The following EXOC6B variants were observed in gnomAD, a reference collection of about 807,000 sequenced individuals.
EXOC6B encodes the protein exocyst complex component 6B.
In EXOC6B, 54 loss-of-function variants were observed where a neutral mutation model predicts 113.5. The observed-to-expected ratio is 0.48, with a 90% confidence interval of 0.38 to 0.60. The LOEUF (loss-of-function observed/expected upper bound fraction) is 0.60. Among genes scored for constraint, EXOC6B ranks in the 20% least tolerant of loss-of-function variants. The pLI is 0.00. For synonymous variants in EXOC6B, 357 were observed against 339.0 expected, an observed-to-expected ratio of 1.05 and a Z score of -0.58; for missense variants, 797 against 977.5, an observed-to-expected ratio of 0.82 and a Z score of 2.46.
intron 19 of EXOC6B, among the ~76,000 whole-genome samples, chr2:72,378,518 G>C (rs1055268106): frequency 2.0e-5 from 3 of 152,156 alleles, no homozygotes; most frequent in African/African-American, 7.2e-5. Flanking sequence ...TGCATGAATA[G>C]GGTTGCTTCA....
chr2:72,666,889 G>C (rs1006045385), intron 6 of EXOC6B, among the ~76,000 whole-genome samples: 1 of 151,206 alleles, frequency 6.6e-6, no homozygotes, highest in Non-Finnish European at 1.5e-5. Flanking sequence ...TCTCAGTGGA[G>C]TCTCACTCTG....
chr2:72,256,796 A>G (rs1224416875), intron 20 of EXOC6B, among the ~76,000 whole-genome samples: 1 of 152,216 alleles, frequency 6.6e-6, no homozygotes, highest in Non-Finnish European at 1.5e-5. Context: ...TCACAGAGCT[A>G]GATGATTACT....
chr2:72,775,939 T>C (rs1573777608), intron 1 of EXOC6B, among the ~76,000 whole-genome samples: 1 of 152,210 alleles, frequency 6.6e-6, no homozygotes, highest in Non-Finnish European at 1.5e-5. Flanking sequence ...TGTAGGTGAA[T>C]TATATCAATG....
In EXOC6B at chr2:72,496,506, A is replaced by G. The variant is rs371861513; in HGVS notation, c.1391T>C (p.Met464Thr). The G allele has an allele frequency of 3.2e-5, 51 of 1,602,136 alleles. No homozygotes were observed. Among genetic ancestry groups the G allele is most frequent in the African/African-American group, 4.0e-5 (3 of 74,776 alleles). ...GAATTGTCCTACCACCTTTTTGTAC[A>G]TCTCTTCACTTGTTACTGGTATAGG... ...YSPIPVTSEE[M>T]YKKVVGQFPF... The change falls in exon 14 of 22, where the codon ATG becomes ACG. Residue 464 changes from methionine (M) to threonine (T), a missense_variant. Physicochemically the swap from Met to Thr is moderately conservative, Grantham distance 81. Transcript: ENST00000272427.
intron 1 of EXOC6B, among the ~76,000 whole-genome samples, chr2:72,764,345 C>T (rs1682929770): frequency 6.7e-6 from 1 of 149,056 alleles, no homozygotes; most frequent in African/African-American, 2.5e-5. Flanking sequence ...TGAAGCATTA[C>T]CTCTCCCTTA....
intron 20 of EXOC6B, among the ~76,000 whole-genome samples, chr2:72,331,213 C>T (rs958571004): frequency 6.6e-6 from 1 of 152,024 alleles, no homozygotes; most frequent in African/African-American, 2.4e-5. Context: ...TTCCTTTGCT[C>T]CCAGAGGGCA....
chr2:72,799,253 A>AAC (rs1685153210), intron 1 of EXOC6B, among the ~76,000 whole-genome samples: 1 of 150,326 alleles, frequency 6.7e-6, no homozygotes, highest in African/African-American at 2.4e-5. Flanking sequence ...AAAAAAAAAA[A>AAC]AAAAAAAACA....
chr2:72,736,930 CT>C (rs149743447), intron 2 of EXOC6B, among the ~76,000 whole-genome samples: 5,686 of 152,170 alleles, frequency 0.037, 329 homozygotes, highest in African/African-American at 0.13. Flanking sequence ...AGGAAACCCC[CT>C]ATCTCTGTTT....
chr2:72,457,973 A>G (rs1405700852), intron 18 of EXOC6B, among the ~76,000 whole-genome samples: 1 of 152,108 alleles, frequency 6.6e-6, no homozygotes, highest in Non-Finnish European at 1.5e-5. Flanking sequence ...GTCACACACA[A>G]ACACACTTCT....
intron 20 of EXOC6B, among the ~76,000 whole-genome samples, chr2:72,259,038 CTTTTTA>C (rs1021761145): frequency 1.6e-4 from 24 of 152,140 alleles, no homozygotes; most frequent in East Asian, 5.8e-4. Context: ...TACAGTTCTA[CTTTTTA>C]TTTTGAAGTA....
At chr2:72,650,523 C>T (rs867376094) in intron 6 of EXOC6B, among the ~76,000 whole-genome samples, 19 of 151,886 alleles carry the variant, frequency 1.3e-4, no homozygotes, top group African/African-American at 4.3e-4. Context: ...ATCACTTGAA[C>T]CCGGGAGGTG....
chr2:72,362,849 A>G (rs1349705979), intron 19 of EXOC6B, among the ~76,000 whole-genome samples: 2 of 152,150 alleles, frequency 1.3e-5, no homozygotes, highest in Non-Finnish European at 2.9e-5. Context: ...TAGGGCCCAC[A>G]TATATCTGCT....
intron 6 of EXOC6B, among the ~76,000 whole-genome samples, chr2:72,649,266 T>G (rs1433601782): frequency 6.6e-6 from 1 of 152,068 alleles, no homozygotes; most frequent in Non-Finnish European, 1.5e-5. Context: ...CTAGATAGAA[T>G]GAATAAAATA....
chr2:72,541,743 TGAAAA>T (rs895924189), intron 8 of EXOC6B, among the ~76,000 whole-genome samples: 3 of 152,176 alleles, frequency 2.0e-5, no homozygotes, highest in African/African-American at 7.2e-5. Flanking sequence ...GTTCAGGTTG[TGAAAA>T]GAAATGTTTC....
chr2:72,528,124 C>T lies in EXOC6B; in HGVS notation c.916-12998G>A, dbSNP rs147831733. ...TTTAGAGGGAAATTTAAGAACTCTGCCTACCCTTAGATTCTGAAGATTTTC... is the reference window on the plus strand; with the variant it reads ...TTTAGAGGGAAATTTAAGAACTCTGTCTACCCTTAGATTCTGAAGATTTTC... On this transcript the variant is annotated intron_variant, in intron 8 of 21. Coordinates refer to ENST00000272427, the MANE Select transcript of EXOC6B (RefSeq NM_015189.3). Among the ~76,000 whole-genome samples the T allele has an allele frequency of 4.6e-4, 70 of 152,056 alleles. 2 individuals carry two copies. Among genetic ancestry groups the T allele is most frequent in the Middle Eastern group, 3.4e-3 (1 of 294 alleles).
chr2:72,506,465 G>A (rs1045658135), intron 11 of EXOC6B, among the ~76,000 whole-genome samples: 6 of 152,126 alleles, frequency 3.9e-5, no homozygotes, highest in African/African-American at 1.4e-4. Context: ...ATGAACTCTG[G>A]ACTAAGAAGT....
rs183130524 is a variant in EXOC6B, at chr2:72,768,772, G to T, written c.114-27303C>A. 1.1e-3 allele frequency among the ~76,000 whole-genome samples: 170 copies of T among 152,198 alleles called. 2 individuals are homozygous for T. Among genetic ancestry groups the T allele is most frequent in the African/African-American group, 3.9e-3 (162 of 41,522 alleles). ...ATCTAAAAACTTATGAAAGATATCAGTCCATAGTTTCAAGCCCTATAAACC... is the reference window on the plus strand; with the variant it reads ...ATCTAAAAACTTATGAAAGATATCATTCCATAGTTTCAAGCCCTATAAACC... On this transcript the variant is annotated intron_variant, in intron 1 of 21. Coordinates refer to ENST00000272427, the MANE Select transcript of EXOC6B (RefSeq NM_015189.3).
At chr2:72,784,230 GT>G (rs1684244557) in intron 1 of EXOC6B, among the ~76,000 whole-genome samples, 1 of 152,276 alleles carries the variant, frequency 6.6e-6, no homozygotes, top group African/African-American at 2.4e-5. Flanking sequence ...ATACCATGCT[GT>G]TCTGGTTACT....
At chr2:72,290,291 T>C (rs1685703786) in intron 20 of EXOC6B, among the ~76,000 whole-genome samples, 1 of 152,232 alleles carries the variant, frequency 6.6e-6, no homozygotes, top group African/African-American at 2.4e-5. Context: ...ACATCTTTTA[T>C]AGACTCTTGT....
Sources: allele counts gnomAD v4.1 joint callset (sites outside exome capture counted in the v4.1 genomes callset), GRCh38; gene constraint gnomAD v4.1.1; transcripts MANE v1.5; gene names NCBI Gene and HGNC (gene_info 2026-07-23, HGNC 2026-07-21).